TENM2: variants seen among roughly 807,000 people sequenced by gnomAD.
TENM2 encodes the protein teneurin-2.
Under a neutral mutation model 245.2 loss-of-function variants are expected in TENM2, and 52 were observed. That is an observed-to-expected ratio of 0.21 (90% CI 0.17 to 0.27). TENM2 has a LOEUF of 0.27. Ranked by LOEUF, TENM2 falls within the 10% of genes least tolerant of loss-of-function variation. The pLI, the probability that TENM2 is intolerant of heterozygous loss-of-function variation, is 1.00. For missense variants in TENM2, 3,046 were observed against 3,666.8 expected, an observed-to-expected ratio of 0.83 and a Z score of 4.37; for synonymous variants, 1,363 against 1,438.9, an observed-to-expected ratio of 0.95 and a Z score of 1.19.
chr5:168,099,836 A>T (rs1793664001), intron 9 of TENM2, among the ~76,000 whole-genome samples: 1 of 152,152 alleles, frequency 6.6e-6, no homozygotes, highest in Admixed American at 6.5e-5. Flanking sequence ...TTAATTCCTA[A>T]ATGACACCGC....
At chr5:168,007,159 C>T (rs1784885870) in intron 5 of TENM2, among the ~76,000 whole-genome samples, 2 of 151,606 alleles carry the variant, frequency 1.3e-5, no homozygotes, top group African/African-American at 2.4e-5. Context: ...CGTAGTCTCA[C>T]TCTGTCACCC....
intron 2 of TENM2, among the ~76,000 whole-genome samples, chr5:167,491,826 TA>T (rs1768443915): frequency 1.3e-5 from 2 of 152,086 alleles, no homozygotes; most frequent in Non-Finnish European, 2.9e-5. Context: ...CTACGTGATC[TA>T]AAAAATACCA....
intron 2 of TENM2, among the ~76,000 whole-genome samples, chr5:167,724,349 G>A (rs2150529423): frequency 6.6e-6 from 1 of 150,476 alleles, no homozygotes; most frequent in Non-Finnish European, 1.5e-5. Context: ...TAATGTCTCT[G>A]AATCTCTTCA....
At chr5:168,210,416 G>A (rs1762700228) in intron 19 of TENM2, among the ~76,000 whole-genome samples, 1 of 152,110 alleles carries the variant, frequency 6.6e-6, no homozygotes, top group African/African-American at 2.4e-5. Flanking sequence ...ACTTTAAAAA[G>A]TGAAATTGAT....
chr5:167,234,221 A>G, the TENM2 span, among the ~76,000 whole-genome samples: 1 of 152,202 alleles, frequency 6.6e-6, no homozygotes, highest in African/African-American at 2.4e-5. Context: ...CACCCAGGCT[A>G]AGGGAAACAA....
At chr5:167,402,740 C>G (rs183112156) in intron 2 of TENM2, among the ~76,000 whole-genome samples, 1 of 152,020 alleles carries the variant, frequency 6.6e-6, no homozygotes, top group African/African-American at 2.4e-5. Context: ...TTTTTAATGT[C>G]TTTTATTCTC....
chr5:167,601,067 C>T (rs970198415), intron 2 of TENM2, among the ~76,000 whole-genome samples: 1 of 152,224 alleles, frequency 6.6e-6, no homozygotes, highest in African/African-American at 2.4e-5. Context: ...CAGAAAAGCC[C>T]TGCCCGTGTG....
Position 167,727,104 on chromosome 5 carries a change from C to CTTTTTTT in TENM2, c.503-148865_503-148859dup, listed in dbSNP as rs1227700479. ...AAATCAGTAATGAATCCATTAATTT[C>CTTTTTTT]TTTTTTTTTTTTTTTTTTTTTTTGA... On this transcript the variant is annotated intron_variant, in intron 2 of 28. Transcript: ENST00000518659. Among the ~76,000 whole-genome samples the CTTTTTTT allele has an allele frequency of 8.6e-4, 83 of 96,114 alleles. 1 individual carries two copies. Among genetic ancestry groups the CTTTTTTT allele is most frequent in the East Asian group, 1.1e-3 (3 of 2,616 alleles). The allele number at this position is 96,114 out of a possible 152,430, so 63.1% of individuals were successfully genotyped here.
chr5:167,170,089 A>AC, the TENM2 span, among the ~76,000 whole-genome samples: 1 of 152,232 alleles, frequency 6.6e-6, no homozygotes, highest in Non-Finnish European at 1.5e-5. Flanking sequence ...AAACGGGTAC[A>AC]TCTATTGGCT....
chr5:167,537,960 T>C (rs56846897), intron 2 of TENM2, among the ~76,000 whole-genome samples: 9,246 of 152,242 alleles, frequency 0.061, 732 homozygotes, highest in African/African-American at 0.18. Flanking sequence ...AGCAGTCAGC[T>C]TACACCTTAA....
intron 2 of TENM2, among the ~76,000 whole-genome samples, chr5:167,741,681 G>A (rs768087519): frequency 6.6e-6 from 1 of 152,076 alleles, no homozygotes; most frequent in Non-Finnish European, 1.5e-5. Flanking sequence ...CTGGTTCAGC[G>A]ACTCAGTCTA....
At chr5:167,434,399 A>T (rs1412411526) in intron 2 of TENM2, among the ~76,000 whole-genome samples, 1 of 119,222 alleles carries the variant, frequency 8.4e-6, no homozygotes, top group Non-Finnish European at 1.7e-5. Flanking sequence ...GGCAACAGTG[A>T]AAGACTCTAT....
the TENM2 span, among the ~76,000 whole-genome samples, chr5:167,080,588 G>A: frequency 2.0e-5 from 3 of 151,990 alleles, no homozygotes; most frequent in Non-Finnish European, 2.9e-5. Flanking sequence ...TGTGATTCTC[G>A]TGGGAAGCCT....
chr5:167,255,683 C>A, the TENM2 span, among the ~76,000 whole-genome samples: 1 of 151,964 alleles, frequency 6.6e-6, no homozygotes, highest in African/African-American at 2.4e-5. Flanking sequence ...ACGAGAAGTA[C>A]AGGTTGTGAG....
chr5:167,709,814 A>T (rs1758785987), intron 2 of TENM2, among the ~76,000 whole-genome samples: 1 of 152,188 alleles, frequency 6.6e-6, no homozygotes. Context: ...CGAGAGTGAG[A>T]GTGAGAGAGT....
intron 2 of TENM2, among the ~76,000 whole-genome samples, chr5:167,420,001 T>A (rs1763399169): frequency 6.6e-6 from 1 of 152,134 alleles, no homozygotes; most frequent in African/African-American, 2.4e-5. Flanking sequence ...TAAGTTGAAC[T>A]TCGAAGTAAG....
chr5:167,510,486 T>C (rs909974608), intron 2 of TENM2, among the ~76,000 whole-genome samples: 1 of 152,054 alleles, frequency 6.6e-6, no homozygotes, highest in Admixed American at 6.6e-5. Flanking sequence ...AAAAGGGAAA[T>C]AAGTGTGGAG....
At chr5:167,450,158 T>C (rs1305893329) in intron 2 of TENM2, among the ~76,000 whole-genome samples, 1 of 152,046 alleles carries the variant, frequency 6.6e-6, no homozygotes, top group Non-Finnish European at 1.5e-5. Context: ...TTCTTTTTTC[T>C]CTCTATTTAA....
chr5:168,262,659 G>T, exon 29 of TENM2: 1 of 1,607,206 alleles, frequency 6.2e-7, no homozygotes, highest in Non-Finnish European at 8.5e-7. Flanking sequence ...AGCCGCCTGT[G>T]GACTGAGGGC....
Sources: gnomAD v4.1 joint callset for allele counts (sites outside exome capture counted in the v4.1 genomes callset) on GRCh38, gnomAD v4.1.1 for gene constraint, MANE v1.5 for transcripts, NCBI Gene and HGNC (gene_info 2026-07-23, HGNC 2026-07-21) for gene names.